Variants in PTPRK observed in about 807,000 individuals in gnomAD.
PTPRK encodes the protein protein tyrosine phosphatase receptor type K.
Under a neutral mutation model 178.0 loss-of-function variants are expected in PTPRK, and 75 were observed. The observed-to-expected ratio is 0.42, with a 90% CI of 0.35 to 0.51. PTPRK has a LOEUF of 0.51. Ranked by LOEUF, PTPRK falls within the 20% of genes least tolerant of loss-of-function variation. The pLI, the probability that PTPRK is intolerant of heterozygous loss-of-function variation, is 0.02. For synonymous variants in PTPRK, 637 were observed against 620.6 expected, an observed-to-expected ratio of 1.03 and a Z score of -0.39; for missense variants, 1,441 against 1,797.8, an observed-to-expected ratio of 0.80 and a Z score of 3.59.
chr6:128,361,440 T>C (rs1232043428), intron 2 of PTPRK, among the ~76,000 whole-genome samples: 2 of 152,204 alleles, frequency 1.3e-5, no homozygotes, highest in African/African-American at 4.8e-5. Context: ...ATAAAATGTA[T>C]AAATTTCAGT....
At chr6:128,344,604 C>G (rs937406837) in intron 2 of PTPRK, among the ~76,000 whole-genome samples, 1 of 152,060 alleles carries the variant, frequency 6.6e-6, no homozygotes, top group Non-Finnish European at 1.5e-5. Flanking sequence ...CAGCCCTGAC[C>G]TCCCAGGTTC....
At chr6:128,204,102 G>T (rs1189948247) in intron 6 of PTPRK, among the ~76,000 whole-genome samples, 1 of 152,034 alleles carries the variant, frequency 6.6e-6, no homozygotes, top group Non-Finnish European at 1.5e-5. Context: ...ACAGAATAGA[G>T]AATTCAAAAA....
At chr6:128,375,165 C>T (rs896038385) in intron 2 of PTPRK, among the ~76,000 whole-genome samples, 10 of 150,192 alleles carry the variant, frequency 6.7e-5, no homozygotes, top group African/African-American at 1.2e-4. Flanking sequence ...ATTTTGTTCA[C>T]GGATTTAGCC....
intron 2 of PTPRK, among the ~76,000 whole-genome samples, chr6:128,368,676 A>G (rs1835853768): frequency 6.6e-6 from 1 of 152,148 alleles, no homozygotes; most frequent in Non-Finnish European, 1.5e-5. Flanking sequence ...GGGGTGAGCC[A>G]TGACAATTGT....
chr6:127,989,335 A>T (rs1209595908), intron 21 of PTPRK, among the ~76,000 whole-genome samples: 2 of 152,072 alleles, frequency 1.3e-5, no homozygotes, highest in African/African-American at 4.8e-5. Context: ...ATTTTCATAC[A>T]TATTTTACAG....
intron 7 of PTPRK, among the ~76,000 whole-genome samples, chr6:128,150,864 G>T (rs1466813433): frequency 1.3e-5 from 2 of 151,928 alleles, no homozygotes; most frequent in South Asian, 4.1e-4. Flanking sequence ...TTCTTTTTTG[G>T]GTTTCATGTT....
At chr6:128,004,558 A>G (rs1441863708) in intron 15 of PTPRK, among the ~76,000 whole-genome samples, 1 of 151,798 alleles carries the variant, frequency 6.6e-6, no homozygotes, top group Non-Finnish European at 1.5e-5. Context: ...TTCACACCAG[A>G]TACTTAAGAG....
intron 1 of PTPRK, among the ~76,000 whole-genome samples, chr6:128,479,410 C>A (rs1851773799): frequency 6.6e-6 from 1 of 152,100 alleles, no homozygotes; most frequent in African/African-American, 2.4e-5. Context: ...TATAAAATTC[C>A]ATGTTGACTC....
chr6:128,481,892 T>C (rs1584918071), intron 1 of PTPRK, among the ~76,000 whole-genome samples: 2 of 152,220 alleles, frequency 1.3e-5, no homozygotes, highest in East Asian at 3.9e-4. Flanking sequence ...ACAAGCACAC[T>C]ACAAAGGCTG....
rs188108281 is a variant in PTPRK, at chr6:128,013,893, G to A, written c.2195-4625C>T. Among the ~76,000 whole-genome samples the A allele has an allele frequency of 1.1e-3, 162 of 151,470 alleles. 4 individuals carry two copies. Among genetic ancestry groups the A allele is most frequent in the Non-Finnish European group, 3.7e-4 (25 of 67,604 alleles). On this transcript the variant is annotated intron_variant, in intron 13 of 29. Coordinates refer to ENST00000368226, the MANE Select transcript of PTPRK (RefSeq NM_002844.4). ...CCTCAAAACCCACATTGTAGCACACGGTATTTTCTAGGATTTCAACTGTAT... is the reference window on the plus strand; with the variant it reads ...CCTCAAAACCCACATTGTAGCACACAGTATTTTCTAGGATTTCAACTGTAT...
intron 27 of PTPRK, among the ~76,000 whole-genome samples, chr6:127,974,186 T>C (rs1774254779): frequency 6.6e-6 from 1 of 152,240 alleles, no homozygotes; most frequent in South Asian, 2.1e-4. Flanking sequence ...TGAATAAACT[T>C]TGATCTCCTT....
chr6:128,519,123 G>A lies in PTPRK; in HGVS notation c.100+1136C>T, dbSNP rs758375183. ...CACCGCGAACCCCAGCAGCAGATGC[G>A]CTCGCCAGCCAAGCGAAGCTGGGTA... On this transcript the variant is annotated intron_variant, in intron 1 of 29. Coordinates refer to ENST00000368226, the MANE Select transcript of PTPRK (RefSeq NM_002844.4). The surrounding 1 kb of genome is among the most constrained non-coding windows in gnomAD (Gnocchi z 4.3). 1.9e-6 allele frequency: 1 copy of A among 526,558 alleles called. No individual in the cohort carries two copies. Among genetic ancestry groups the A allele is most frequent in the East Asian group, 5.5e-5 (1 of 18,046 alleles). The allele number at this position is 526,558 out of a possible 1,614,324, so 32.6% of individuals were successfully genotyped here. A position where few individuals can be genotyped will look rare whatever the true frequency, so the allele number is the denominator to read the frequency against.
intron 7 of PTPRK, among the ~76,000 whole-genome samples, chr6:128,147,708 C>T (rs922968051): frequency 6.6e-6 from 1 of 152,070 alleles, no homozygotes; most frequent in Non-Finnish European, 1.5e-5. Context: ...TATGAGGATA[C>T]CCTGGCTCAA....
intron 7 of PTPRK, among the ~76,000 whole-genome samples, chr6:128,137,202 A>T (rs1463867087): frequency 6.6e-6 from 1 of 152,208 alleles, no homozygotes; most frequent in Non-Finnish European, 1.5e-5. Flanking sequence ...AAATTTATAC[A>T]ATATATGAGT....
intron 1 of PTPRK, among the ~76,000 whole-genome samples, chr6:128,502,874 T>C (rs1460377073): frequency 6.6e-6 from 1 of 152,158 alleles, no homozygotes; most frequent in African/African-American, 2.4e-5. Flanking sequence ...GATGTCACAT[T>C]GGTCCTTTGA....
intron 3 of PTPRK, among the ~76,000 whole-genome samples, chr6:128,250,261 T>C (rs1424534087): frequency 2.0e-5 from 3 of 152,244 alleles, no homozygotes; most frequent in African/African-American, 7.2e-5. Flanking sequence ...TGGGAATTAA[T>C]ATCTTCTCTT....
At chr6:128,505,642 AG>A (rs1295431603) in intron 1 of PTPRK, among the ~76,000 whole-genome samples, 4 of 152,150 alleles carry the variant, frequency 2.6e-5, no homozygotes, top group African/African-American at 9.7e-5. Flanking sequence ...GAAAGTTAAC[AG>A]GGATTTCTAA....
intron 7 of PTPRK, among the ~76,000 whole-genome samples, chr6:128,169,335 A>C (rs1799869568): frequency 1.3e-5 from 2 of 152,182 alleles, no homozygotes; most frequent in South Asian, 4.1e-4. Flanking sequence ...TATACAATAA[A>C]AAATAAACAG....
At chr6:128,492,924 G>A (rs1029901320) in intron 1 of PTPRK, among the ~76,000 whole-genome samples, 2 of 152,160 alleles carry the variant, frequency 1.3e-5, no homozygotes, top group Non-Finnish European at 2.9e-5. Context: ...GGAAAGGGCA[G>A]GAGACACTGA....
Sources: gnomAD v4.1 joint callset for allele counts (sites outside exome capture counted in the v4.1 genomes callset) on GRCh38, gnomAD v4.1.1 for gene constraint, Gnocchi (gnomAD v3.1) non-coding constraint, MANE v1.5 for transcripts, NCBI Gene and HGNC (gene_info 2026-07-23, HGNC 2026-07-21) for gene names.